The following C12orf56 variants were observed in gnomAD, a reference collection of about 807,000 sequenced individuals.
The protein encoded by C12orf56 is chromosome 12 open reading frame 56, also known as uncharacterized protein C12orf56.
C12orf56 carries 71 observed loss-of-function variants against 69.9 expected under a neutral mutation model. The observed-to-expected ratio is 1.02, with a 90% CI of 0.84 to 1.24. The LOEUF (loss-of-function observed/expected upper bound fraction) is 1.24, where lower values mean the gene tolerates loss of function less well. Ranked by LOEUF, C12orf56 falls within the 50% of genes most tolerant of loss-of-function variation. The probability of loss-of-function intolerance (pLI) is 0.00; values close to 1 mark genes in which losing one functional copy is unlikely to be tolerated. For synonymous variants in C12orf56, 276 were observed against 274.1 expected, an observed-to-expected ratio of 1.01 and a Z score of -0.07; for missense variants, 732 against 738.5, an observed-to-expected ratio of 0.99 and a Z score of 0.10.
intron 1 of C12orf56, among the ~76,000 whole-genome samples, chr12:64,366,198 TAGCTTGTATAATATAC>T: frequency 7.3e-5 from 9 of 122,658 alleles, no homozygotes; most frequent in African/African-American, 3.0e-4. Context: ...GTATAATATA[TAGCTTGTATAATATAC>T]AGTTTATATA....
At chr12:64,338,205 G>T in intron 2 of C12orf56, 1 of 579,998 alleles carries the variant, frequency 1.7e-6, no homozygotes, top group African/African-American at 1.9e-5. Flanking sequence ...CATTTGCCCT[G>T]AACAAGCCCC....
At chr12:64,323,605 C>G (rs1241050742) in intron 3 of C12orf56, among the ~76,000 whole-genome samples, 1 of 141,508 alleles carries the variant, frequency 7.1e-6, no homozygotes, top group Non-Finnish European at 1.5e-5. Context: ...ACTCTGTCAC[C>G]CAGGCTGGAA....
chr12:64,338,658 C>G (rs1165997149), intron 2 of C12orf56: 1 of 1,585,560 alleles, frequency 6.3e-7, no homozygotes, highest in African/African-American at 1.3e-5. Flanking sequence ...TGGGTTTGCA[C>G]AAACTGACCT....
intron 1 of C12orf56, among the ~76,000 whole-genome samples, chr12:64,384,457 C>T (rs1305731993): frequency 2.6e-5 from 4 of 152,068 alleles, no homozygotes; most frequent in African/African-American, 9.7e-5. Context: ...AATAATGTCA[C>T]CAAGGATAAA....
At chr12:64,336,588 A>G (rs1172358328) in intron 2 of C12orf56, among the ~76,000 whole-genome samples, 1 of 152,178 alleles carries the variant, frequency 6.6e-6, no homozygotes. Flanking sequence ...CTGGTGAGCA[A>G]CCAGGGATTT....
At chr12:64,270,205 G>A (rs989819741) in intron 12 of C12orf56, among the ~76,000 whole-genome samples, 2 of 151,826 alleles carry the variant, frequency 1.3e-5, no homozygotes, top group Non-Finnish European at 2.9e-5. Context: ...AGATCAGCCT[G>A]ACCAACATGG....
chr12:64,346,953 T>C (rs571363647), intron 2 of C12orf56, among the ~76,000 whole-genome samples: 4 of 149,844 alleles, frequency 2.7e-5, no homozygotes, highest in African/African-American at 9.8e-5. Flanking sequence ...TATATATATA[T>C]CTATCTATAT....
intron 6 of C12orf56, among the ~76,000 whole-genome samples, chr12:64,293,655 A>G (rs922826520): frequency 1.3e-5 from 2 of 152,238 alleles, no homozygotes; most frequent in African/African-American, 4.8e-5. Context: ...ATGACCTCCC[A>G]TCTGCTCACT....
intron 2 of C12orf56, among the ~76,000 whole-genome samples, chr12:64,344,453 G>T (rs2039114598): frequency 6.6e-6 from 1 of 152,148 alleles, no homozygotes; most frequent in Admixed American, 6.5e-5. Flanking sequence ...GAACACCGTG[G>T]TTAATTAGCC....
At chr12:64,303,058 AGGT>A (rs1190189328) in intron 6 of C12orf56, among the ~76,000 whole-genome samples, 5 of 152,044 alleles carry the variant, frequency 3.3e-5, no homozygotes, top group Non-Finnish European at 7.4e-5. Flanking sequence ...GGATCACCTG[AGGT>A]CAGGAGTTCA....
Position 64,332,390 on chromosome 12 carries a change from A to C in C12orf56, c.416-1358T>G, listed in dbSNP as rs533478040. Among the ~76,000 whole-genome samples the C allele has an allele frequency of 2.0e-5, 3 of 151,852 alleles. No homozygotes were observed. In the South Asian group the frequency reaches 6.2e-4, roughly 32 times the overall value. On this transcript the variant is annotated intron_variant, in intron 2 of 12. Coordinates refer to ENST00000543942, the MANE Select transcript of C12orf56 (RefSeq NM_001170633.2). ...GGAGAGACCCTAAAAATGTGTTCAC[A>C]TGGCCAAATGTTTTTATAAGAATTG...
At chr12:64,304,706 CGCTGACGAGGTGGCCG>C (rs1165886549) in intron 5 of C12orf56, among the ~76,000 whole-genome samples, 2 of 152,184 alleles carry the variant, frequency 1.3e-5, no homozygotes, top group African/African-American at 4.8e-5. Flanking sequence ...CTTTACTGGG[CGCTGACGAGGTGGCCG>C]GCTCTGGCCT....
At chr12:64,268,485 A>G (rs958148439) in intron 12 of C12orf56, among the ~76,000 whole-genome samples, 1 of 152,190 alleles carries the variant, frequency 6.6e-6, no homozygotes, top group Non-Finnish European at 1.5e-5. Context: ...CCATTTATGT[A>G]GAATGTCCAG....
At chr12:64,385,593 C>G (rs1258578140) in intron 1 of C12orf56, among the ~76,000 whole-genome samples, 1 of 152,108 alleles carries the variant, frequency 6.6e-6, no homozygotes, top group East Asian at 1.9e-4. Flanking sequence ...CCACCCAGAT[C>G]GATTAACTGG....
chr12:64,284,689 G>A lies in C12orf56; in HGVS notation c.1285C>T (p.Arg429Cys), dbSNP rs780945635. 2.4e-5 allele frequency: 39 copies of A among 1,612,158 alleles called. No homozygotes were observed. The highest frequency in any genetic ancestry group is 3.0e-5 in the Non-Finnish European group (35 of 1,179,312). ...MFRETETESS[R>C]LNTLAAKKGA... The stretch of plus-strand genomic sequence containing the variant: ...TTCTTAGCTGCCAATGTGTTCAGGC[G>A]TGATGACTCGGTTTCTGTTTCTCTG... Residue 429 changes from arginine (R) to cysteine (C), a missense_variant, in exon 8 of 13, where the codon CGC (arginine) becomes TGC (cysteine). Physicochemically the swap from Arg to Cys is radical, Grantham distance 180. Transcript: ENST00000543942.
intron 6 of C12orf56, among the ~76,000 whole-genome samples, chr12:64,297,997 C>T (rs917947895): frequency 1.3e-5 from 2 of 152,202 alleles, no homozygotes; most frequent in African/African-American, 2.4e-5. Flanking sequence ...TTTACACTCC[C>T]ACCAACAGTG....
Position 64,304,694 on chromosome 12 carries a change from C to T in C12orf56, c.969-915G>A, listed in dbSNP as rs115151457. Among the ~76,000 whole-genome samples the T allele has an allele frequency of 8.1e-3, 1,231 of 152,292 alleles. 17 individuals carry two copies. Among genetic ancestry groups the T allele is most frequent in the African/African-American group, 0.028 (1,163 of 41,558 alleles). On this transcript the variant is annotated intron_variant, in intron 5 of 12. Transcript: ENST00000543942. Reference sequence around the variant, plus strand: ...CACTGTGCTCAGTAATAACAACTTGCGCTTTACTGGGCGCTGACGAGGTGG... The same window carrying T: ...CACTGTGCTCAGTAATAACAACTTGTGCTTTACTGGGCGCTGACGAGGTGG...
chr12:64,308,923 AGAAAGAAAGAAAGAAAGAAGAAAG>A (rs1365256176), intron 5 of C12orf56, among the ~76,000 whole-genome samples: 69 of 66,910 alleles, frequency 1.0e-3, no homozygotes, highest in South Asian at 6.3e-3. Flanking sequence ...AAAGAAAGAA[AGAAAGAAAGAAAGAAAGAAGAAAG>A]AAAGAAAGAA....
intron 12 of C12orf56, among the ~76,000 whole-genome samples, chr12:64,269,866 G>A (rs943606640): frequency 1.3e-5 from 2 of 152,080 alleles, no homozygotes; most frequent in Non-Finnish European, 2.9e-5. Flanking sequence ...TAGGATTACA[G>A]GCATGAGCCA....
Sources: gnomAD v4.1 joint callset for allele counts (sites outside exome capture counted in the v4.1 genomes callset) on GRCh38, gnomAD v4.1.1 for gene constraint, MANE v1.5 for transcripts, NCBI Gene and HGNC (gene_info 2026-07-23, HGNC 2026-07-21) for gene names.